Variants in CASS4 observed in about 807,000 individuals in gnomAD.
CASS4 encodes the protein Cas scaffold protein family member 4.
A neutral mutation model predicts 54.2 loss-of-function variants in CASS4; 22 were observed. The ratio of observed to expected loss-of-function variants is 0.41; its 90% CI spans 0.29 to 0.58. The LOEUF (loss-of-function observed/expected upper bound fraction) is 0.58. CASS4 is among the 20% of genes least tolerant of loss of function. The probability of loss-of-function intolerance (pLI) is 0.36; values close to 1 mark genes in which losing one functional copy is unlikely to be tolerated. For missense variants in CASS4, 854 were observed against 986.7 expected, an observed-to-expected ratio of 0.87 and a Z score of 1.80; for synonymous variants, 409 against 391.5, an observed-to-expected ratio of 1.04 and a Z score of -0.53.
At position 56,424,512 on chromosome 20, in the gene CASS4, G is replaced by A. The variant is rs1014410136; in HGVS notation, c.36+12018G>A. ...TCCTAGCACTTTGGGAGGTCAAGGCGGGTGGATCATCTGAGGTCAGGAGTT... is the reference window on the plus strand; with the variant it reads ...TCCTAGCACTTTGGGAGGTCAAGGCAGGTGGATCATCTGAGGTCAGGAGTT... On this transcript the variant is annotated intron_variant, in intron 1 of 5. Coordinates refer to ENST00000679887, the MANE Select transcript of CASS4 (RefSeq NM_020356.4). Among the ~76,000 whole-genome samples, 8 of 152,030 alleles carry A rather than the reference G, an allele frequency of 5.3e-5. 1 individual carries two copies. Among genetic ancestry groups the A allele is most frequent in the South Asian group, 4.1e-4 (2 of 4,824 alleles).
intron 1 of CASS4, among the ~76,000 whole-genome samples, chr20:56,434,416 G>A (rs1012113854): frequency 1.5e-4 from 23 of 151,954 alleles, no homozygotes; most frequent in Admixed American, 3.9e-4. Context: ...TTATTGACAC[G>A]GAAAGATGCT....
At chr20:56,417,363 G>A (rs1360106780) in intron 1 of CASS4, among the ~76,000 whole-genome samples, 1 of 152,118 alleles carries the variant, frequency 6.6e-6, no homozygotes, top group Admixed American at 6.5e-5. Context: ...CTCCCCTGCT[G>A]TTCCCCGCCT....
chr20:56,417,118 A>G (rs1419604708), intron 1 of CASS4, among the ~76,000 whole-genome samples: 1 of 152,200 alleles, frequency 6.6e-6, no homozygotes, highest in East Asian at 1.9e-4. Context: ...ACTTGCTGGG[A>G]CTTGGCTTGC....
intron 2 of CASS4, among the ~76,000 whole-genome samples, chr20:56,438,595 A>C (rs1980308525): frequency 6.6e-6 from 1 of 152,226 alleles, no homozygotes; most frequent in Non-Finnish European, 1.5e-5. Context: ...GCAATGGCTC[A>C]TTCCTGTAAT....
intron 1 of CASS4, among the ~76,000 whole-genome samples, chr20:56,427,874 G>A (rs6099140): frequency 6.6e-6 from 1 of 152,208 alleles, no homozygotes; most frequent in Non-Finnish European, 1.5e-5. Flanking sequence ...TCAGTGAGAA[G>A]GAAGCCGAAA....
At chr20:56,418,370 G>C (rs912305980) in intron 1 of CASS4, among the ~76,000 whole-genome samples, 2 of 152,206 alleles carry the variant, frequency 1.3e-5, no homozygotes, top group African/African-American at 4.8e-5. Flanking sequence ...GGTCAGAAGT[G>C]AGATCTGAGG....
chr20:56,453,249 T>C (rs1981132199), intron 5 of CASS4, 120 bp downstream of exon 5: 2 of 697,840 alleles, frequency 2.9e-6, no homozygotes, highest in Non-Finnish European at 4.7e-6. Context: ...CTGGTTCCAT[T>C]TTCTAGAAAA....
At chr20:56,455,922 A>G (rs1232293944) in intron 5 of CASS4, among the ~76,000 whole-genome samples, 1 of 151,244 alleles carries the variant, frequency 6.6e-6, no homozygotes, top group Non-Finnish European at 1.5e-5. Context: ...CAAGAACAAG[A>G]CTCTGTCTCA....
intron 1 of CASS4, among the ~76,000 whole-genome samples, chr20:56,432,673 C>G (rs1011078566): frequency 1.3e-5 from 2 of 152,104 alleles, no homozygotes; most frequent in African/African-American, 4.8e-5. Context: ...CAGCCTAAGT[C>G]TTGACCTTTA....
Position 56,450,615 on chromosome 20 carries a change from A to G in CASS4, c.578A>G (p.Gln193Arg). The change falls in exon 4 of 6, where the codon CAG (glutamine) becomes CGG (arginine). Residue 193 changes from glutamine (Q) to arginine (R), a missense_variant. By Grantham distance (43) the Gln-to-Arg change is conservative (BLOSUM62 1). Transcript: ENST00000679887. ...TTTCCCCAGGAGCCAGAGAAGCAGC[A>G]GTTATATGACATACCAGCCAGCCCC... ...PVVLKEPEKQQLYDIPASPKK... is the reference protein window; with the variant it reads ...PVVLKEPEKQRLYDIPASPKK... The G allele has an allele frequency of 6.2e-7, 1 of 1,614,176 alleles. No homozygotes were observed.
chr20:56,412,607 G>A lies in CASS4; in HGVS notation c.36+113G>A, dbSNP rs982700449. 16 of 1,081,562 alleles carry A rather than the reference G, an allele frequency of 1.5e-5. No individual in the cohort carries two copies. Among genetic ancestry groups the A allele is most frequent in the Middle Eastern group, 2.0e-4 (1 of 5,054 alleles). 67.0% of individuals were successfully genotyped at this position (1,081,562 alleles called of 1,614,324 possible). A position where few individuals can be genotyped will look rare whatever the true frequency, so the allele number is the denominator to read the frequency against. On this transcript the variant is annotated intron_variant, in intron 1 of 5. Coordinates refer to ENST00000679887, the MANE Select transcript of CASS4 (RefSeq NM_020356.4). This position sits in a 1 kb window ranked among gnomAD's most constrained non-coding sequence, Gnocchi z 4.2. ...CTAATAAAGGTTGAATACCAGTGAC[G>A]TGTGAGTTGGAGATGGGAAAGTTTA... is the stretch of plus-strand genomic sequence containing the variant.
chr20:56,413,214 T>TA (rs1484155308), intron 1 of CASS4, among the ~76,000 whole-genome samples: 1 of 150,372 alleles, frequency 6.7e-6, no homozygotes, highest in Non-Finnish European at 1.5e-5. Flanking sequence ...GCTACCATAT[T>TA]AAAAAAAAAT....
chr20:56,443,828 A>G (rs983425488), intron 2 of CASS4, among the ~76,000 whole-genome samples: 2 of 152,266 alleles, frequency 1.3e-5, no homozygotes, highest in East Asian at 3.9e-4. Context: ...GAAGCGCTAC[A>G]TGAGGGCCTG....
chr20:56,427,272 A>G (rs1164214447), intron 1 of CASS4, among the ~76,000 whole-genome samples: 1 of 151,638 alleles, frequency 6.6e-6, no homozygotes, highest in Non-Finnish European at 1.5e-5. Context: ...GTGTCTGTAG[A>G]TACTTTGATT....
intron 3 of CASS4, among the ~76,000 whole-genome samples, chr20:56,448,423 G>A (rs1980831562): frequency 1.3e-5 from 2 of 152,052 alleles, no homozygotes; most frequent in East Asian, 1.9e-4. Context: ...TCCACAGCAC[G>A]GCTGCCACCC....
Position 56,452,517 on chromosome 20 carries a change from G to T in CASS4, c.1341G>T (p.Leu447=), listed in dbSNP as rs758762274. Residue 447 remains leucine, a synonymous_variant, in exon 5 of 6, where the codon CTG becomes CTT. Transcript: ENST00000679887. ...TGGCCAAGGAGACAGTGATGGCTCT[G>T]CAGCACAAGGTGGTCAGCTCTGTCG... ...LDVAKETVMA[L]QHKVVSSVAG... is the part of the protein sequence containing the mutation. 6.2e-7 allele frequency: 1 copy of T among 1,614,030 alleles called. No homozygotes were observed. The highest frequency in any genetic ancestry group is 1.1e-5 in the South Asian group (1 of 91,056).
In CASS4 at chr20:56,458,315, C is replaced by G; in HGVS notation, c.1954-25C>G. 1.9e-6 allele frequency: 3 copies of G among 1,587,656 alleles called. No homozygotes were observed. The South Asian group carries it at 3.3e-5, about 18-fold the overall frequency. On this transcript the variant is annotated intron_variant, in intron 5 of 5. Transcript: ENST00000679887. ...ACAGCCCATTGATTGAATCTCCTAT[C>G]TATTTTCTTCCTTCCCTTCTTTAGA...
chr20:56,420,109 C>T (rs1979341830), intron 1 of CASS4, among the ~76,000 whole-genome samples: 1 of 152,176 alleles, frequency 6.6e-6, no homozygotes, highest in Non-Finnish European at 1.5e-5. Context: ...AAGTTATTCA[C>T]AGGCAATTTG....
At chr20:56,455,759 G>A (rs902428291) in intron 5 of CASS4, among the ~76,000 whole-genome samples, 2 of 152,038 alleles carry the variant, frequency 1.3e-5, no homozygotes, top group Non-Finnish European at 2.9e-5. Flanking sequence ...GTGAAACCCC[G>A]TTTCTACTAA....
Sources: gnomAD v4.1 joint callset for allele counts (sites outside exome capture counted in the v4.1 genomes callset) on GRCh38, gnomAD v4.1.1 for gene constraint, Gnocchi (gnomAD v3.1) non-coding constraint, MANE v1.5 for transcripts, NCBI Gene and HGNC (gene_info 2026-07-23, HGNC 2026-07-21) for gene names.